LRRC49: variants seen among roughly 807,000 people sequenced by gnomAD.
LRRC49 encodes leucine rich repeat containing 49, also known as leucine-rich repeat-containing protein 49.
In LRRC49, 50 loss-of-function variants were observed where a neutral mutation model predicts 83.3. The ratio of observed to expected loss-of-function variants is 0.60; its 90% confidence interval spans 0.48 to 0.76. LRRC49 has a LOEUF of 0.76. Ranked by LOEUF, LRRC49 falls within the 30% of genes least tolerant of loss-of-function variation. The pLI is 0.00. For synonymous variants in LRRC49, 286 were observed against 283.3 expected, an observed-to-expected ratio of 1.01 and a Z score of -0.10; for missense variants, 704 against 809.1, an observed-to-expected ratio of 0.87 and a Z score of 1.58.
intron 1 of LRRC49, among the ~76,000 whole-genome samples, chr15:70,858,326 G>A (rs1220793102): frequency 6.6e-6 from 1 of 152,162 alleles, no homozygotes; most frequent in Non-Finnish European, 1.5e-5. Context: ...TCACAGCTGG[G>A]TGCAGTGGCT....
At chr15:70,985,760 T>C (rs1229146089) in intron 11 of LRRC49, among the ~76,000 whole-genome samples, 1 of 150,120 alleles carries the variant, frequency 6.7e-6, no homozygotes, top group African/African-American at 2.5e-5. Flanking sequence ...TTTATGGTTT[T>C]AGGTCTAACA....
At chr15:70,869,705 G>T (rs796263604) in intron 1 of LRRC49, among the ~76,000 whole-genome samples, 5 of 152,254 alleles carry the variant, frequency 3.3e-5, no homozygotes, top group African/African-American at 1.2e-4. Flanking sequence ...TTCTTAAAAA[G>T]CAGGCAATGG....
At chr15:71,009,700 T>C in intron 12 of LRRC49, 107 bp from the exon 13 acceptor site, 1 of 712,854 alleles carries the variant, frequency 1.4e-6, no homozygotes, top group Non-Finnish European at 2.3e-6. Context: ...TTGCTAAGCC[T>C]AAAGTTTACA....
intron 11 of LRRC49, among the ~76,000 whole-genome samples, chr15:70,986,177 A>G (rs908597986): frequency 1.3e-4 from 20 of 151,564 alleles, no homozygotes; most frequent in African/African-American, 3.9e-4. Flanking sequence ...GAAGAAAGTC[A>G]TTGGTAGCTT....
intron 4 of LRRC49, among the ~76,000 whole-genome samples, chr15:70,903,484 T>G (rs1196356045): frequency 1.3e-5 from 2 of 152,150 alleles, no homozygotes; most frequent in Non-Finnish European, 2.9e-5. Context: ...TTAAACATCA[T>G]AGATTTGTTA....
chr15:70,920,699 T>C (rs894726607), intron 7 of LRRC49, among the ~76,000 whole-genome samples: 1 of 152,202 alleles, frequency 6.6e-6, no homozygotes, highest in African/African-American at 2.4e-5. Flanking sequence ...ATTACTGTTA[T>C]AGTTTAGGCA....
At chr15:70,950,042 T>A (rs920933409) in intron 8 of LRRC49, among the ~76,000 whole-genome samples, 2 of 152,164 alleles carry the variant, frequency 1.3e-5, no homozygotes, top group African/African-American at 4.8e-5. Context: ...TGGCTCCCAC[T>A]TATAAGTGAG....
chr15:71,024,053 G>C (rs1211020395), intron 14 of LRRC49, among the ~76,000 whole-genome samples: 1 of 152,234 alleles, frequency 6.6e-6, no homozygotes, highest in African/African-American at 2.4e-5. Context: ...ACTAGGTAGG[G>C]CCTCCCTGCA....
At chr15:70,892,175 C>T (rs1335041736), upstream of LRRC49, 1 of 1,611,234 alleles carries the variant, frequency 6.2e-7, no homozygotes, top group South Asian at 1.1e-5. Flanking sequence ...GAAGCGGTCC[C>T]AGAGCAGCCG....
chr15:70,990,861 C>T (rs1403018900), intron 11 of LRRC49, among the ~76,000 whole-genome samples: 2 of 152,230 alleles, frequency 1.3e-5, no homozygotes, highest in Non-Finnish European at 2.9e-5. Context: ...CTGATCCCGC[C>T]CTAGCTAACT....
intron 14 of LRRC49, among the ~76,000 whole-genome samples, chr15:71,021,491 G>T (rs2038994156): frequency 6.6e-6 from 1 of 152,190 alleles, no homozygotes; most frequent in South Asian, 2.1e-4. Flanking sequence ...ATAAATAGTG[G>T]TATATCAGCA....
intron 5 of LRRC49, among the ~76,000 whole-genome samples, chr15:70,905,836 G>A (rs568103819): frequency 6.0e-4 from 91 of 152,160 alleles, no homozygotes; most frequent in Non-Finnish European, 1.0e-3. Context: ...TTCCATGAGC[G>A]TCATAAGACC....
chr15:70,922,584 A>G (rs2035048089), intron 7 of LRRC49, among the ~76,000 whole-genome samples: 1 of 152,104 alleles, frequency 6.6e-6, no homozygotes, highest in Non-Finnish European at 1.5e-5. Context: ...AAAAAAATAG[A>G]AAGAATGAAT....
intron 9 of LRRC49, among the ~76,000 whole-genome samples, chr15:70,973,315 C>A (rs2037082676): frequency 6.6e-6 from 1 of 152,198 alleles, no homozygotes; most frequent in African/African-American, 2.4e-5. Context: ...GCAGATGCTG[C>A]AGAACAGCAA....
chr15:70,921,372 A>G (rs1220041140), intron 7 of LRRC49, among the ~76,000 whole-genome samples: 1 of 152,092 alleles, frequency 6.6e-6, no homozygotes, highest in Non-Finnish European at 1.5e-5. Flanking sequence ...CAAATACTCT[A>G]TTTTGTTTGG....
intron 7 of LRRC49, among the ~76,000 whole-genome samples, chr15:70,933,944 C>T (rs1283665372): frequency 6.6e-6 from 1 of 152,094 alleles, no homozygotes; most frequent in Admixed American, 6.5e-5. Context: ...TCCAACAAAA[C>T]CCTAAAATCC....
intron 11 of LRRC49, among the ~76,000 whole-genome samples, chr15:71,003,719 A>G (rs2038348571): frequency 6.6e-6 from 1 of 152,222 alleles, no homozygotes; most frequent in African/African-American, 2.4e-5. Flanking sequence ...ATGTATTATG[A>G]TAATCATTTA....
intron 8 of LRRC49, among the ~76,000 whole-genome samples, chr15:70,939,660 A>G (rs542874372): frequency 1.3e-5 from 2 of 152,202 alleles, no homozygotes; most frequent in South Asian, 4.2e-4. Flanking sequence ...ACATTTAAAA[A>G]CAATAAAACT....
intron 10 of LRRC49, among the ~76,000 whole-genome samples, chr15:70,981,569 A>G (rs1234998066): frequency 6.8e-6 from 1 of 147,728 alleles, no homozygotes; most frequent in East Asian, 2.0e-4. Flanking sequence ...GTGTATAGAT[A>G]CTGTCTTCTG....
Sources: gnomAD v4.1 joint callset for allele counts (sites outside exome capture counted in the v4.1 genomes callset) on GRCh38, gnomAD v4.1.1 for gene constraint, MANE v1.5 for transcripts, NCBI Gene and HGNC (gene_info 2026-07-23, HGNC 2026-07-21) for gene names.